The following FRMD1 variants were observed in gnomAD, a reference collection of about 807,000 sequenced individuals.
The protein encoded by FRMD1 is FERM domain-containing protein 1.
FRMD1 carries 51 observed loss-of-function variants against 54.9 expected under a neutral mutation model. The observed-to-expected ratio is 0.93, with a 90% CI of 0.74 to 1.17. The LOEUF (loss-of-function observed/expected upper bound fraction) is 1.17, where lower values mean the gene tolerates loss of function less well. FRMD1 is among the 50% of genes most tolerant of loss of function. The probability of loss-of-function intolerance (pLI) is 0.00; values close to 1 mark genes in which losing one functional copy is unlikely to be tolerated. For missense variants in FRMD1, 729 were observed against 743.0 expected (o/e 0.98, Z 0.22); for synonymous variants, 324 against 306.4 (o/e 1.06, Z -0.60).
At chr6:168,062,790 A>G (rs1425826025) in intron 7 of FRMD1, 104 bp downstream of exon 7, 7 of 1,604,034 alleles carry the variant, frequency 4.4e-6, no homozygotes, top group African/African-American at 2.7e-5. Context: ...GCCAGCGCCC[A>G]TGACCGCTGC....
intron 1 of FRMD1, among the ~76,000 whole-genome samples, chr6:168,089,143 C>A (rs962856505): frequency 2.6e-5 from 4 of 152,370 alleles, no homozygotes; most frequent in South Asian, 2.1e-4. Context: ...TGAGAGTGGG[C>A]CCTGACACCG....
intron 4 of FRMD1, chr6:168,066,169 C>T (rs1000571142): frequency 6.1e-6 from 6 of 986,412 alleles, no homozygotes; most frequent in Non-Finnish European, 7.2e-6. Flanking sequence ...GGATGGTATA[C>T]CCACCCTAGA....
intron 5 of FRMD1, among the ~76,000 whole-genome samples, chr6:168,064,160 C>T (rs941811691): frequency 1.3e-5 from 2 of 152,226 alleles, no homozygotes; most frequent in Non-Finnish European, 2.9e-5. Flanking sequence ...GCCAAGGGCA[C>T]GTGTGGCATC....
At chr6:168,081,508 C>A, upstream of FRMD1, 1 of 1,531,246 alleles carries the variant, frequency 6.5e-7, no homozygotes, top group Non-Finnish European at 8.7e-7. Flanking sequence ...CTCGGCCCAA[C>A]TCTCTCTTCT....
At position 168,053,554 on chromosome 6, in the gene FRMD1, C is replaced by T. The variant is rs1045838649; in HGVS notation, c.*3543G>A. Reference sequence around the variant, plus strand: ...CAGCCTCCCCTACGCGGGCCCCACACACCCACAGGGCCCTCAGTGCCCCTC... The same window carrying T: ...CAGCCTCCCCTACGCGGGCCCCACATACCCACAGGGCCCTCAGTGCCCCTC... On this transcript the variant is annotated 3_prime_UTR_variant, in exon 11 of 11. Transcript: ENST00000283309. The T allele has an allele frequency of 3.9e-5, 6 of 152,462 alleles. No homozygotes were observed. The highest frequency in any genetic ancestry group is 1.4e-4 in the African/African-American group (6 of 41,602). The allele number at this position is 152,462 out of a possible 1,614,324, so 9.4% of individuals were successfully genotyped here.
rs750066857 is a variant in FRMD1, at chr6:168,056,378, G to C, written c.*719C>G. The stretch of plus-strand genomic sequence containing the variant: ...AAGGAAGCCACCTGTGAGCAGAGTG[G>C]GTCCTGAGGCCTCATGGCTGAGATG... On this transcript the variant is annotated 3_prime_UTR_variant, in exon 11 of 11. Transcript: ENST00000283309. 2.6e-5 allele frequency: 4 copies of C among 152,342 alleles called. No individual in the cohort carries two copies. The highest frequency in any genetic ancestry group is 2.1e-4 in the South Asian group (1 of 4,838). The allele number at this position is 152,342 out of a possible 1,614,324, so 9.4% of individuals were successfully genotyped here.
chr6:168,065,215 G>A, intron 4 of FRMD1, 158 bp from the exon 5 acceptor site: 1 of 1,416,658 alleles, frequency 7.1e-7, no homozygotes, highest in Non-Finnish European at 9.2e-7. Context: ...GTCCCTGCAG[G>A]GCCAGCACGG....
chr6:168,058,487 G>T (rs1178612332), intron 10 of FRMD1, among the ~76,000 whole-genome samples: 1 of 150,312 alleles, frequency 6.7e-6, no homozygotes, highest in Non-Finnish European at 1.5e-5. Context: ...CCGATTTTCT[G>T]TGTCTTTCCA....
At chr6:168,066,945 C>T (rs1483554573) in intron 3 of FRMD1, 114 bp from the exon 4 acceptor site, 2 of 1,311,234 alleles carry the variant, frequency 1.5e-6, no homozygotes, top group Non-Finnish European at 1.1e-6. Context: ...AAAGTCGAAG[C>T]TCAGGTGTCT....
In FRMD1 at chr6:168,062,918, G is replaced by A. The variant is rs1472252362; in HGVS notation, c.846C>T (p.Ala282=). 2 of 1,613,972 alleles carry A rather than the reference G, an allele frequency of 1.2e-6. No homozygotes were observed. The highest frequency in any genetic ancestry group is 1.6e-4 in the Middle Eastern group (1 of 6,084). Reference sequence around the variant, plus strand: ...CCTGGTAGATGTGCACTCCCCTGAGGGCCAGTCCCAGGATCACGGTGGGAC... The same window carrying A: ...CCTGGTAGATGTGCACTCCCCTGAGAGCCAGTCCCAGGATCACGGTGGGAC... ...EGRPTVILGL[A]LRGVHIYQGK... The change falls in exon 7 of 11, where the codon GCC becomes GCT. Residue 282 remains alanine (A), a synonymous_variant. Coordinates refer to ENST00000283309, the MANE Select transcript of FRMD1 (RefSeq NM_024919.6).
At chr6:168,081,330 A>G (rs970414870), upstream of FRMD1, 17 of 1,516,222 alleles carry the variant, frequency 1.1e-5, no homozygotes, top group Non-Finnish European at 1.8e-6. Flanking sequence ...CCGGGCCCCA[A>G]CACTGACCCC....
At chr6:168,080,883 G>C (rs1324110634), upstream of FRMD1, among the ~76,000 whole-genome samples, 4 of 151,192 alleles carry the variant, frequency 2.6e-5, no homozygotes, top group Non-Finnish European at 2.9e-5. Context: ...TGGTGTGTGT[G>C]GGCGCTGGTG....
At chr6:168,072,113 CG>C (rs1800338010) in intron 2 of FRMD1, among the ~76,000 whole-genome samples, 1 of 152,254 alleles carries the variant, frequency 6.6e-6, no homozygotes, top group African/African-American at 2.4e-5. Flanking sequence ...TCCCCAACAC[CG>C]AGGATCATCA....
intron 2 of FRMD1, among the ~76,000 whole-genome samples, chr6:168,070,725 T>C (rs58365143): frequency 0.038 from 5,820 of 152,316 alleles, 117 homozygotes; most frequent in East Asian, 0.063. Flanking sequence ...ATCGGAAGGA[T>C]ACGTGTATAC....
At chr6:168,081,128 G>A (rs920399486), upstream of FRMD1, among the ~76,000 whole-genome samples, 8 of 152,178 alleles carry the variant, frequency 5.3e-5, no homozygotes, top group African/African-American at 1.4e-4. Flanking sequence ...CTGAGTGCCA[G>A]GGAGAGCTGG....
chr6:168,086,039 T>C (rs997212825), upstream of FRMD1, among the ~76,000 whole-genome samples: 13 of 152,226 alleles, frequency 8.5e-5, no homozygotes, highest in African/African-American at 2.7e-4. Flanking sequence ...AGTGGCCCCG[T>C]ACCTCCCTGT....
At position 168,060,968 on chromosome 6, in the gene FRMD1, G is replaced by A; in HGVS notation, c.1135C>T (p.Gln379Ter). 6.2e-7 allele frequency: 1 copy of A among 1,613,212 alleles called. No individual in the cohort carries two copies. Among genetic ancestry groups the A allele is most frequent in the South Asian group, 1.1e-5 (1 of 91,082 alleles). ...CGTGAGAGGCAGTGGGGGCAGTGCT[G>A]GCTGCTGACCCCACTGCCCGGGAAG... ...RSFPGSGVSS[Q>*]HCPHCLSRHS... The change falls in exon 9 of 11, where the codon CAG becomes TAG. Residue 379 changes from glutamine to a stop codon, truncating the protein, a stop_gained. Transcript: ENST00000283309. LOFTEE classifies it high-confidence loss of function.
Position 168,061,869 on chromosome 6 carries a change from T to C in FRMD1, c.983A>G (p.His328Arg). 3 of 1,584,934 alleles carry C rather than the reference T, an allele frequency of 1.9e-6. No individual in the cohort carries two copies. The highest frequency in any genetic ancestry group is 2.6e-6 in the Non-Finnish European group (3 of 1,166,976). Residue 328 changes from histidine (H) to arginine (R), a missense_variant, in exon 8 of 11, where the codon CAC becomes CGC. Physicochemically the swap from His to Arg is conservative, Grantham distance 29 (BLOSUM62 0). Coordinates refer to ENST00000283309, the MANE Select transcript of FRMD1 (RefSeq NM_024919.6). Reference sequence around the variant, plus strand: ...GGGCCGCACGCGGAGGTGGAGCTGGTGGCTGGCGCGCAGCAGGTGCAGCAG... The same window carrying C: ...GGGCCGCACGCGGAGGTGGAGCTGGCGGCTGGCGCGCAGCAGGTGCAGCAG... ...RHLLHLLRAS[H>R]QLHLRVRPTL...
At chr6:168,080,236 G>A (rs73030333), upstream of FRMD1, among the ~76,000 whole-genome samples, 16,118 of 151,936 alleles carry the variant, frequency 0.11, 859 homozygotes, top group African/African-American at 0.12. Flanking sequence ...GGAGGCTTAG[G>A]CCTCACCTCC....
Sources: allele counts gnomAD v4.1 joint callset (sites outside exome capture counted in the v4.1 genomes callset), GRCh38; gene constraint gnomAD v4.1.1; transcripts MANE v1.5; gene names NCBI Gene and HGNC (gene_info 2026-07-23, HGNC 2026-07-21).